The following KHDRBS2 variants were observed in gnomAD, a reference collection of about 807,000 sequenced individuals.
The protein encoded by KHDRBS2 is KH domain-containing, RNA-binding, signal transduction-associated protein 2.
In KHDRBS2, 26 loss-of-function variants were observed where a neutral mutation model predicts 44.3. That is an observed-to-expected ratio of 0.59 (90% CI 0.43 to 0.81). The LOEUF is 0.81. KHDRBS2 is among the 40% of genes least tolerant of loss of function. The pLI is 0.00. For synonymous variants in KHDRBS2, 194 were observed against 151.1 expected (o/e 1.28, Z -2.08); for missense variants, 476 against 433.1 (o/e 1.10, Z -0.88).
chr6:62,255,228 C>CT (rs1305598448), intron 1 of KHDRBS2, among the ~76,000 whole-genome samples: 1 of 152,000 alleles, frequency 6.6e-6, no homozygotes, highest in Non-Finnish European at 1.5e-5. Flanking sequence ...AATGTAGCTA[C>CT]TTTTTTAGGG....
intron 8 of KHDRBS2, 152 bp from the exon 9 acceptor site, chr6:61,681,212 A>C (rs1409975703): frequency 3.3e-6 from 2 of 610,852 alleles, no homozygotes; most frequent in Non-Finnish European, 5.9e-6. Context: ...AGACCATCAA[A>C]AAAGTGTGTG....
chr6:61,616,470 CAT>C, the KHDRBS2 span, among the ~76,000 whole-genome samples: 30,151 of 144,366 alleles, frequency 0.21, 2,964 homozygotes, highest in Admixed American at 0.24. Context: ...AAAGAATATA[CAT>C]ATATATATAT....
In KHDRBS2 at chr6:61,870,008, T is replaced by TGG. The variant is rs1798431531; in HGVS notation, c.810+24625_810+24626dup. The stretch of plus-strand genomic sequence containing the variant: ...TTTTTCCCCATACTACAGTGGTGCC[T>TGG]GGAATGCCAGTGAGACAGAAGTGTT... On this transcript the variant is annotated intron_variant, in intron 6 of 8. Transcript: ENST00000281156. 3.4e-5 allele frequency among the ~76,000 whole-genome samples: 5 copies of TGG among 145,624 alleles called. No individual in the cohort carries two copies. In the South Asian group the frequency reaches 1.1e-3, roughly 32 times the overall value.
At chr6:62,272,637 A>T (rs557507629) in intron 1 of KHDRBS2, among the ~76,000 whole-genome samples, 4 of 152,168 alleles carry the variant, frequency 2.6e-5, no homozygotes. Flanking sequence ...AAAAGTATCA[A>T]GATGTTGGCA....
intron 4 of KHDRBS2, among the ~76,000 whole-genome samples, chr6:61,907,794 T>A (rs1805296648): frequency 6.6e-6 from 1 of 152,226 alleles, no homozygotes; most frequent in Admixed American, 6.5e-5. Flanking sequence ...GCATTAAGTC[T>A]AACTTTGAAT....
chr6:62,109,639 T>A (rs945592024), intron 2 of KHDRBS2, among the ~76,000 whole-genome samples: 6 of 151,874 alleles, frequency 4.0e-5, no homozygotes, highest in African/African-American at 1.4e-4. Flanking sequence ...AATGAACAAT[T>A]GAAAAATACA....
chr6:61,967,428 CAGATGGAT>C (rs1770260884), intron 4 of KHDRBS2, among the ~76,000 whole-genome samples: 1 of 151,462 alleles, frequency 6.6e-6, no homozygotes, highest in Non-Finnish European at 1.5e-5. Flanking sequence ...GATAGATAGA[CAGATGGAT>C]AGATTGATAG....
At chr6:61,955,395 T>C (rs538009148) in intron 4 of KHDRBS2, among the ~76,000 whole-genome samples, 1 of 32,640 alleles carries the variant, frequency 3.1e-5, no homozygotes, top group Non-Finnish European at 5.2e-5. Flanking sequence ...TACGTATGTG[T>C]ATGTATACAT....
At chr6:61,603,576 C>A in the KHDRBS2 span, among the ~76,000 whole-genome samples, 2 of 152,154 alleles carry the variant, frequency 1.3e-5, no homozygotes, top group Non-Finnish European at 1.5e-5. Context: ...AATGTTTTAG[C>A]CTAGCCTCAT....
intron 2 of KHDRBS2, among the ~76,000 whole-genome samples, chr6:62,064,893 G>C (rs1443847224): frequency 6.7e-6 from 1 of 149,808 alleles, no homozygotes; most frequent in Non-Finnish European, 1.5e-5. Context: ...CTGACAAAGG[G>C]CTAATATCCA....
intron 6 of KHDRBS2, among the ~76,000 whole-genome samples, chr6:61,888,822 A>G (rs1801373191): frequency 1.3e-5 from 2 of 151,910 alleles, no homozygotes; most frequent in African/African-American, 2.4e-5. Context: ...CGGCCTCCCA[A>G]AGTTCTGGGA....
intron 2 of KHDRBS2, among the ~76,000 whole-genome samples, chr6:62,104,945 T>G (rs1802806294): frequency 6.6e-6 from 1 of 151,828 alleles, no homozygotes; most frequent in Non-Finnish European, 1.5e-5. Flanking sequence ...GTAACAGAAG[T>G]GAAAGAAATG....
intron 6 of KHDRBS2, among the ~76,000 whole-genome samples, chr6:61,867,381 C>T (rs1212382348): frequency 6.6e-6 from 1 of 152,122 alleles, no homozygotes; most frequent in African/African-American, 2.4e-5. Flanking sequence ...CCACCATGTG[C>T]CTTCCACAAC....
intron 2 of KHDRBS2, among the ~76,000 whole-genome samples, chr6:62,160,364 T>C (rs1392204502): frequency 6.6e-6 from 1 of 152,116 alleles, no homozygotes; most frequent in Admixed American, 6.6e-5. Context: ...GTTAAGAAAG[T>C]GTTATCCAAA....
chr6:61,831,129 A>G (rs1791729585), intron 6 of KHDRBS2, among the ~76,000 whole-genome samples: 1 of 152,168 alleles, frequency 6.6e-6, no homozygotes, highest in South Asian at 2.1e-4. Flanking sequence ...TGAAGTTGGT[A>G]AATCTTTGTG....
chr6:61,663,625 T>TG, the KHDRBS2 span, among the ~76,000 whole-genome samples: 2 of 147,886 alleles, frequency 1.4e-5, no homozygotes, highest in South Asian at 4.3e-4. Context: ...TGGTTAAGTC[T>TG]GGTAGCAGTA....
At chr6:61,634,346 C>A in the KHDRBS2 span, among the ~76,000 whole-genome samples, 66 of 151,880 alleles carry the variant, frequency 4.3e-4, no homozygotes, top group African/African-American at 1.5e-3. Context: ...CAGAAATAAT[C>A]AATAATGGTA....
chr6:61,548,922 A>G, the KHDRBS2 span, among the ~76,000 whole-genome samples: 1 of 152,134 alleles, frequency 6.6e-6, no homozygotes, highest in Admixed American at 6.6e-5. Flanking sequence ...AACACCATAA[A>G]TAGTTACGTC....
chr6:62,073,618 T>C (rs1421714614), intron 2 of KHDRBS2, among the ~76,000 whole-genome samples: 2 of 151,378 alleles, frequency 1.3e-5, no homozygotes, highest in Non-Finnish European at 3.0e-5. Flanking sequence ...TAGTTTATTT[T>C]TTCGAGTTTA....
Sources: allele counts gnomAD v4.1 joint callset (sites outside exome capture counted in the v4.1 genomes callset), GRCh38; gene constraint gnomAD v4.1.1; transcripts MANE v1.5; gene names NCBI Gene and HGNC (gene_info 2026-07-23, HGNC 2026-07-21).